The following ACTR6 variants were observed in gnomAD, a reference collection of about 807,000 sequenced individuals.
The protein encoded by ACTR6 is actin-related protein 6.
Under a neutral mutation model 52.5 loss-of-function variants are expected in ACTR6, and 50 were observed. That is an observed-to-expected ratio of 0.95 (90% CI 0.76 to 1.20). The LOEUF (loss-of-function observed/expected upper bound fraction) is 1.20, where lower values mean the gene tolerates loss of function less well. Among genes scored for constraint, ACTR6 ranks in the 50% most tolerant of loss-of-function variants. The pLI is 0.00. For missense variants in ACTR6, 344 were observed against 472.4 expected, an observed-to-expected ratio of 0.73 and a Z score of 2.52; for synonymous variants, 135 against 147.2, an observed-to-expected ratio of 0.92 and a Z score of 0.60.
chr12:100,202,079 G>T (rs780625594), intron 1 of ACTR6, among the ~76,000 whole-genome samples: 1 of 151,922 alleles, frequency 6.6e-6, no homozygotes, highest in African/African-American at 2.4e-5. Flanking sequence ...CTACAGTTGC[G>T]CACCACCACG....
chr12:100,206,501 T>C (rs2096114738), intron 3 of ACTR6, among the ~76,000 whole-genome samples: 2 of 151,546 alleles, frequency 1.3e-5, no homozygotes, highest in South Asian at 4.2e-4. Flanking sequence ...ATAAAACATC[T>C]GCAAGTTTTT....
chr12:100,216,659 ATT>A (rs2153900754), intron 8 of ACTR6, among the ~76,000 whole-genome samples: 1 of 152,318 alleles, frequency 6.6e-6, no homozygotes, highest in Non-Finnish European at 1.5e-5. Flanking sequence ...ATCTCAGGTT[ATT>A]TTGAATGTTG....
At position 100,218,779 on chromosome 12, in the gene ACTR6, T is replaced by A. The variant is rs756421190; in HGVS notation, c.922+193T>A. On this transcript the variant is annotated intron_variant, in intron 9 of 10. Transcript: ENST00000188312. This position sits in a 1 kb window ranked among gnomAD's most constrained non-coding sequence, Gnocchi z 4.2. Reference sequence around the variant, plus strand: ...GATTATAAGTTTTTTTTTGTGATTATAAATTCGATAGAGGAAAAATCATTA... The same window carrying A: ...GATTATAAGTTTTTTTTTGTGATTAAAAATTCGATAGAGGAAAAATCATTA... 6.6e-6 allele frequency among the ~76,000 whole-genome samples: 1 copy of A among 152,116 alleles called. No homozygotes were observed.
intron 8 of ACTR6, among the ~76,000 whole-genome samples, chr12:100,212,897 C>T (rs188362388): frequency 3.4e-5 from 5 of 147,972 alleles, no homozygotes; most frequent in Non-Finnish European, 5.9e-5. Context: ...GTCCCAGCTA[C>T]TTGGGAGGCT....
Position 100,212,477 on chromosome 12 carries a change from G to T in ACTR6, c.699G>T (p.Met233Ile), listed in dbSNP as rs775826309. The change falls in exon 8 of 11, where the codon ATG becomes ATT. Residue 233 changes from methionine to isoleucine, a missense_variant. By Grantham distance (10) the Met-to-Ile change is conservative. Transcript: ENST00000188312. ...TGAAAGGAGAAGAAAATACAGTAAT[G>T]ATAGACTATGTCTTGCCTGACTTCA... ...AKLKGEENTVMIDYVLPDFST... is the reference protein window; with the variant it reads ...AKLKGEENTVIIDYVLPDFST... 2 of 1,613,828 alleles carry T rather than the reference G, an allele frequency of 1.2e-6. No homozygotes were observed. The highest frequency in any genetic ancestry group is 1.1e-5 in the South Asian group (1 of 91,080).
chr12:100,221,945 A>T (rs933782957), intron 10 of ACTR6, among the ~76,000 whole-genome samples: 4 of 151,340 alleles, frequency 2.6e-5, no homozygotes, highest in African/African-American at 4.9e-5. Context: ...GGTTTTTAAA[A>T]TTTTTTTCAA....
Position 100,212,243 on chromosome 12 carries a change from TTA to T in ACTR6, c.573-11_573-10del, listed in dbSNP as rs1204058908. The T allele has an allele frequency of 6.5e-7, 1 of 1,527,892 alleles. No individual in the cohort carries two copies. Among genetic ancestry groups the T allele is most frequent in the African/African-American group, 1.4e-5 (1 of 71,682 alleles). The allele number at this position is 1,527,892 out of a possible 1,614,324, so 94.6% of individuals were successfully genotyped here. On this transcript the variant is annotated splice_polypyrimidine_tract_variant and intron_variant, in intron 6 of 10. Transcript: ENST00000188312. ...TGTTTTGCTTCAAATTTTACAACTT[TTA>T]TTTCTGTTAGGCAGCTACATGTTAT... is the stretch of plus-strand genomic sequence containing the variant.
intron 10 of ACTR6, chr12:100,221,546 C>T (rs958141345): frequency 5.3e-5 from 8 of 151,916 alleles, no homozygotes; most frequent in Middle Eastern, 3.4e-3. Context: ...TTTTATTGTG[C>T]GTCTACTGCT....
In ACTR6 at chr12:100,218,469, C is replaced by G; in HGVS notation, c.805C>G (p.Arg269Gly). The G allele has an allele frequency of 6.2e-7, 1 of 1,609,730 alleles. No individual in the cohort carries two copies. The highest frequency in any genetic ancestry group is 8.5e-7 in the Non-Finnish European group (1 of 1,178,118). ...ATACAAATCTGGGGAACAAATTCTT[C>G]GTTTGGCCAATGAGAGATTTGCTGT... is the stretch of plus-strand genomic sequence containing the variant. Reference protein sequence around the residue: ...GKYKSGEQILRLANERFAVPE... With the variant: ...GKYKSGEQILGLANERFAVPE... Residue 269 changes from arginine (R) to glycine (G), a missense_variant, in exon 9 of 11, where the codon CGT (arginine) becomes GGT (glycine). Coordinates refer to ENST00000188312, the MANE Select transcript of ACTR6 (RefSeq NM_022496.5). The surrounding 1 kb of genome is among the most constrained non-coding windows in gnomAD (Gnocchi z 4.2).
chr12:100,213,091 G>GT (rs1173005153), intron 8 of ACTR6, among the ~76,000 whole-genome samples: 2 of 148,082 alleles, frequency 1.4e-5, no homozygotes, highest in South Asian at 4.5e-4. Flanking sequence ...TGTTTGTTTT[G>GT]TTTTTTTGGT....
At position 100,222,037 on chromosome 12, in the gene ACTR6, C is replaced by G. The variant is rs569770402; in HGVS notation, c.1062-1749C>G. ...TGGCGCAGTCTTGGCTCACCACAAC[C>G]TCCGCCTCCCAGGTTCAAGCGATTC... On this transcript the variant is annotated intron_variant, in intron 10 of 10. Transcript: ENST00000188312. 4.3e-3 allele frequency among the ~76,000 whole-genome samples: 650 copies of G among 152,020 alleles called. 7 individuals carry two copies. The highest frequency in any genetic ancestry group is 0.017 in the Middle Eastern group (5 of 294).
chr12:100,223,595 C>T (rs11829936), intron 10 of ACTR6, among the ~76,000 whole-genome samples, 191 bp from the exon 11 acceptor site: 9,148 of 152,108 alleles, frequency 0.06, 593 homozygotes, highest in African/African-American at 0.16. Context: ...TTTTGGGTTG[C>T]TCTACTCATA....
At chr12:100,203,287 T>C (rs1242639054) in intron 1 of ACTR6, among the ~76,000 whole-genome samples, 1 of 152,126 alleles carries the variant, frequency 6.6e-6, no homozygotes, top group Non-Finnish European at 1.5e-5. Flanking sequence ...TGAAGATCTT[T>C]GGCTTCATGG....
chr12:100,206,739 G>A (rs765584589), intron 3 of ACTR6, among the ~76,000 whole-genome samples: 1 of 149,310 alleles, frequency 6.7e-6, no homozygotes, highest in African/African-American at 2.5e-5. Flanking sequence ...CATGATCTCT[G>A]CTCACTGCAA....
In ACTR6 at chr12:100,200,856, C is replaced by G; in HGVS notation, c.5C>G (p.Thr2Arg). Residue 2 changes from threonine to arginine, a missense_variant, in exon 1 of 11, where the codon ACG (threonine) becomes AGG (arginine). By Grantham distance (71) the Thr-to-Arg change is moderately conservative. Coordinates refer to ENST00000188312, the MANE Select transcript of ACTR6 (RefSeq NM_022496.5). MTTLVLDNGAYN... is the reference protein window; with the variant it reads MRTLVLDNGAYN... ...TGCGGTGTGGTTGGTGGTGAGATGA[C>G]GACCTTAGTGCTGGATAATGGAGCT... 1 of 1,614,036 alleles carries G rather than the reference C, an allele frequency of 6.2e-7. No individual in the cohort carries two copies. The highest frequency in any genetic ancestry group is 8.5e-7 in the Non-Finnish European group (1 of 1,179,970).
intron 4 of ACTR6, among the ~76,000 whole-genome samples, chr12:100,209,599 C>G (rs774717587): frequency 6.6e-6 from 1 of 152,196 alleles, no homozygotes; most frequent in Non-Finnish European, 1.5e-5. Flanking sequence ...GTCAATAGTT[C>G]TGAGGTCTCA....
intron 3 of ACTR6, chr12:100,206,281 C>T (rs2096114554): frequency 6.6e-6 from 1 of 152,042 alleles, no homozygotes; most frequent in Admixed American, 6.6e-5. Flanking sequence ...GAGTTTGAGA[C>T]CAGCCTGGCC....
intron 6 of ACTR6, 103 bp from the exon 7 acceptor site, chr12:100,212,150 CAAA>C (rs1381699614): frequency 2.2e-5 from 17 of 758,066 alleles, no homozygotes; most frequent in Non-Finnish European, 3.3e-5. Flanking sequence ...TTTAAAATTT[CAAA>C]AAATCAGTTA....
At chr12:100,212,584 G>C (rs1272014552) in intron 8 of ACTR6, 56 bp downstream of exon 8, 9 of 1,348,206 alleles carry the variant, frequency 6.7e-6, no homozygotes, top group Non-Finnish European at 8.5e-6. Context: ...TATAATCCCA[G>C]CACTTGGGGA....
Sources: gnomAD v4.1 joint callset for allele counts (sites outside exome capture counted in the v4.1 genomes callset) on GRCh38, gnomAD v4.1.1 for gene constraint, Gnocchi (gnomAD v3.1) non-coding constraint, MANE v1.5 for transcripts, NCBI Gene and HGNC (gene_info 2026-07-23, HGNC 2026-07-21) for gene names.